NALF1: variants seen among roughly 807,000 people sequenced by gnomAD.
NALF1 encodes the protein NALCN channel auxiliary factor 1.
NALF1 carries 3 observed loss-of-function variants against 48.4 expected under a neutral mutation model. The observed-to-expected ratio is 0.06, with a 90% CI of 0.03 to 0.16. The LOEUF (loss-of-function observed/expected upper bound fraction) is 0.16. Ranked by LOEUF, NALF1 falls within the 10% of genes least tolerant of loss-of-function variation. NALF1 has a pLI of 1.00. For synonymous variants in NALF1, 262 were observed against 245.7 expected (o/e 1.07, Z -0.62); for missense variants, 526 against 571.5 (o/e 0.92, Z 0.81).
intron 1 of NALF1, among the ~76,000 whole-genome samples, chr13:107,315,003 G>A (rs1882118304): frequency 6.6e-6 from 1 of 152,036 alleles, no homozygotes; most frequent in Non-Finnish European, 1.5e-5. Flanking sequence ...TCCTAAGGGG[G>A]TTACCCTGTG....
intron 1 of NALF1, among the ~76,000 whole-genome samples, chr13:107,376,320 G>A (rs530886764): frequency 2.0e-5 from 3 of 152,104 alleles, no homozygotes; most frequent in Non-Finnish European, 4.4e-5. Flanking sequence ...GTTGTGAAGC[G>A]ATAGATAGGT....
intron 1 of NALF1, among the ~76,000 whole-genome samples, chr13:107,450,914 C>A (rs1434599559): frequency 1.3e-5 from 2 of 152,170 alleles, no homozygotes; most frequent in African/African-American, 4.8e-5. Context: ...ATTTTAAATA[C>A]TTTGTGCCCT....
At chr13:107,496,786 G>A (rs1414169316) in intron 1 of NALF1, among the ~76,000 whole-genome samples, 1 of 152,116 alleles carries the variant, frequency 6.6e-6, no homozygotes, top group Non-Finnish European at 1.5e-5. Context: ...TTAGATGGAT[G>A]GGAGCAGGCA....
chr13:107,418,784 ATCATTACAAT>A (rs1884136752), intron 1 of NALF1, among the ~76,000 whole-genome samples: 1 of 152,160 alleles, frequency 6.6e-6, no homozygotes, highest in Non-Finnish European at 1.5e-5. Context: ...GTTCCCATTT[ATCATTACAAT>A]TCATTTCTTA....
At chr13:107,281,359 C>A (rs1417373582) in intron 1 of NALF1, among the ~76,000 whole-genome samples, 1 of 152,104 alleles carries the variant, frequency 6.6e-6, no homozygotes, top group Non-Finnish European at 1.5e-5. Context: ...GAAAAACTAT[C>A]ATAGAAAATG....
chr13:107,607,560 T>C (rs1006827463), intron 1 of NALF1, among the ~76,000 whole-genome samples: 2 of 152,108 alleles, frequency 1.3e-5, no homozygotes, highest in African/African-American at 4.8e-5. Context: ...AAGTCCAAAA[T>C]ATACACTAAA....
intron 1 of NALF1, among the ~76,000 whole-genome samples, chr13:107,598,890 C>T (rs1305020778): frequency 6.6e-6 from 1 of 152,084 alleles, no homozygotes; most frequent in South Asian, 2.1e-4. Flanking sequence ...AATTTTCTTC[C>T]AAGCCAAATT....
At chr13:107,644,431 A>C (rs1324981280) in intron 1 of NALF1, among the ~76,000 whole-genome samples, 1 of 151,690 alleles carries the variant, frequency 6.6e-6, no homozygotes, top group Non-Finnish European at 1.5e-5. Flanking sequence ...TAAAAAAAAA[A>C]AAAATCTATC....
chr13:107,585,378 G>GAA (rs113082323), intron 1 of NALF1, among the ~76,000 whole-genome samples: 144 of 149,950 alleles, frequency 9.6e-4, no homozygotes, highest in Middle Eastern at 3.4e-3. Flanking sequence ...AAATAGAATA[G>GAA]AAAAAAAAAA....
chr13:107,315,160 T>TA (rs200186600), intron 1 of NALF1, among the ~76,000 whole-genome samples: 1,662 of 152,158 alleles, frequency 0.011, 30 homozygotes, highest in African/African-American at 0.038. Context: ...TGTATCAAAA[T>TA]AAAAAAGCGA....
intron 1 of NALF1, among the ~76,000 whole-genome samples, chr13:107,368,555 C>T (rs141512352): frequency 5.6e-4 from 85 of 152,294 alleles, no homozygotes; most frequent in Non-Finnish European, 1.1e-3. Flanking sequence ...TCTCTTCTGG[C>T]GTCCGGTGGT....
At chr13:107,438,827 CAAAAAAAAA>C (rs61686895) in intron 1 of NALF1, among the ~76,000 whole-genome samples, 4 of 17,940 alleles carry the variant, frequency 2.2e-4, no homozygotes, top group Non-Finnish European at 3.1e-4. Flanking sequence ...GACTCCATCT[CAAAAAAAAA>C]AAAAAAAAAA....
At chr13:107,584,137 A>G (rs1042449401) in intron 1 of NALF1, among the ~76,000 whole-genome samples, 8 of 152,188 alleles carry the variant, frequency 5.3e-5, no homozygotes, top group Non-Finnish European at 7.4e-5. Context: ...CTCAATAAAT[A>G]GTCTCTCTAT....
intron 1 of NALF1, among the ~76,000 whole-genome samples, chr13:107,523,857 G>A (rs1449956325): frequency 6.6e-6 from 1 of 151,930 alleles, no homozygotes; most frequent in Non-Finnish European, 1.5e-5. Context: ...TACTAAAAAA[G>A]AAGTAATTAC....
intron 1 of NALF1, chr13:107,835,438 T>C (rs1202302306): frequency 6.6e-6 from 1 of 152,102 alleles, no homozygotes; most frequent in East Asian, 1.9e-4. Flanking sequence ...TACCAGCCAC[T>C]CCTCTGAAAG....
chr13:107,372,052 A>C (rs967093074), intron 1 of NALF1, among the ~76,000 whole-genome samples: 6 of 151,934 alleles, frequency 3.9e-5, no homozygotes, highest in Non-Finnish European at 8.8e-5. Flanking sequence ...TGTTTTGTGA[A>C]CTCCTGCCTT....
chr13:107,662,779 A>T (rs1880763100), intron 1 of NALF1, among the ~76,000 whole-genome samples: 1 of 152,188 alleles, frequency 6.6e-6, no homozygotes, highest in East Asian at 1.9e-4. Context: ...AGATAATGAT[A>T]CCATTATTAG....
At chr13:107,725,896 C>G (rs1448224156) in intron 1 of NALF1, among the ~76,000 whole-genome samples, 1 of 152,034 alleles carries the variant, frequency 6.6e-6, no homozygotes, top group African/African-American at 2.4e-5. Context: ...CCGAGTATCC[C>G]AGGAAAAACC....
intron 1 of NALF1, among the ~76,000 whole-genome samples, chr13:107,785,339 C>T (rs895958604): frequency 6.6e-6 from 1 of 152,014 alleles, no homozygotes; most frequent in Non-Finnish European, 1.5e-5. Flanking sequence ...GCCATAAAGA[C>T]ATGGTCTATA....
Sources: gnomAD v4.1 joint callset for allele counts (sites outside exome capture counted in the v4.1 genomes callset) on GRCh38, gnomAD v4.1.1 for gene constraint, MANE v1.5 for transcripts, NCBI Gene and HGNC (gene_info 2026-07-23, HGNC 2026-07-21) for gene names.